The following PRKAB2 variants were observed in gnomAD, a reference collection of about 807,000 sequenced individuals.
PRKAB2 encodes the protein protein kinase AMP-activated non-catalytic subunit beta 2.
In PRKAB2, 18 loss-of-function variants were observed where a neutral mutation model predicts 29.8. The ratio of observed to expected loss-of-function variants is 0.60; its 90% CI spans 0.42 to 0.89. The LOEUF is 0.89. Ranked by LOEUF, PRKAB2 falls within the 40% of genes least tolerant of loss-of-function variation. PRKAB2 has a pLI of 0.00. For synonymous variants in PRKAB2, 136 were observed against 125.9 expected, an observed-to-expected ratio of 1.08 and a Z score of -0.54; for missense variants, 270 against 344.3, an observed-to-expected ratio of 0.78 and a Z score of 1.71.
chr1:147,167,812 G>C lies in PRKAB2; in HGVS notation c.278C>G (p.Ser93Cys). 6.2e-7 allele frequency: 1 copy of C among 1,614,132 alleles called. No homozygotes were observed. The highest frequency in any genetic ancestry group is 8.5e-7 in the Non-Finnish European group (1 of 1,179,992). Residue 93 changes from serine (S) to cysteine (C), a missense_variant, in exon 3 of 8, where the codon TCT becomes TGT. Ser to Cys is a moderately radical substitution (Grantham distance 112, BLOSUM62 -1). This residue lies in a region of PRKAB2 where 228 missense variants were observed against 255.5 expected (regional missense o/e 0.89). Transcript: ENST00000254101. ...GGTGCTCCAATTGTTGAAGGACCCA[G>C]AGATGAAGACCTCCTTGCCTCCTTC... The part of the protein sequence containing the change: ...WSEGGKEVFI[S>C]GSFNNWSTKI...
chr1:147,161,350 C>T (rs1653948107), intron 7 of PRKAB2, among the ~76,000 whole-genome samples: 1 of 150,956 alleles, frequency 6.6e-6, no homozygotes, highest in Admixed American at 6.6e-5. Flanking sequence ...AAAATGAAAG[C>T]CTTAATATCA....
At position 147,167,829 on chromosome 1, in the gene PRKAB2, G is replaced by A; in HGVS notation, c.261C>T (p.Gly87=). Residue 87 remains glycine (G), a synonymous_variant, in exon 3 of 8, where the codon GGC becomes GGT. Transcript: ENST00000254101. ...RPTVIRWSEG[G]KEVFISGSFN... The stretch of plus-strand genomic sequence containing the variant: ...AGGACCCAGAGATGAAGACCTCCTT[G>A]CCTCCTTCAGACCAGCGGATAACAG... 6.2e-7 allele frequency: 1 copy of A among 1,614,140 alleles called. No individual in the cohort carries two copies.
At chr1:147,170,444 C>T (rs1185417918) in intron 2 of PRKAB2, among the ~76,000 whole-genome samples, 1 of 152,066 alleles carries the variant, frequency 6.6e-6, no homozygotes, top group East Asian at 1.9e-4. Flanking sequence ...TATAATGAGG[C>T]GGATCACCTT....
chr1:147,158,692 C>CA lies in PRKAB2; in HGVS notation c.*872dup, dbSNP rs1653794433. 1 of 152,166 alleles carries CA rather than the reference C, an allele frequency of 6.6e-6. No homozygotes were observed. The highest frequency in any genetic ancestry group is 2.4e-5 in the African/African-American group (1 of 41,424). 9.4% of individuals were successfully genotyped at this position (152,166 alleles called of 1,614,324 possible). On this transcript the variant is annotated 3_prime_UTR_variant, in exon 8 of 8. Coordinates refer to ENST00000254101, the MANE Select transcript of PRKAB2 (RefSeq NM_005399.5). ...AAGAAAAGACAGAAGCAGGGCCAGG[C>CA]AAAGTGGGAAAACTTTCGGGAATTT...
At chr1:147,162,344 C>T (rs587624564) in intron 6 of PRKAB2, 96 bp downstream of exon 6, 2 of 1,273,362 alleles carry the variant, frequency 1.6e-6, no homozygotes, top group African/African-American at 3.1e-5. Flanking sequence ...AATCTCAACA[C>T]ACCTCTGTAG....
Position 147,166,564 on chromosome 1 carries a change from A to G in PRKAB2, c.472T>C (p.Ser158Pro). The change falls in exon 5 of 8, where the codon TCT becomes CCT. Residue 158 changes from serine to proline, a missense_variant. Ser to Pro is a moderately conservative substitution (Grantham distance 74). Coordinates refer to ENST00000254101, the MANE Select transcript of PRKAB2 (RefSeq NM_005399.5). ...AAAGCATCGAACACCTCAAAATCAG[A>G]TTTCTTGACATGGATCAAATTGTTA... ...TINNLIHVKK[S>P]DFEVFDALKL... The G allele has an allele frequency of 6.2e-7, 1 of 1,614,126 alleles. No homozygotes were observed.
chr1:147,169,429 G>A (rs1654408169), intron 2 of PRKAB2, among the ~76,000 whole-genome samples: 1 of 152,054 alleles, frequency 6.6e-6, no homozygotes. Flanking sequence ...AGAATTACAA[G>A]AATTTGACAT....
At chr1:147,163,896 A>G (rs913502198) in intron 5 of PRKAB2, among the ~76,000 whole-genome samples, 1 of 152,138 alleles carries the variant, frequency 6.6e-6, no homozygotes, top group Non-Finnish European at 1.5e-5. Context: ...ACAATATACA[A>G]AAATGAAGAG....
chr1:147,161,763 G>C lies in PRKAB2; in HGVS notation c.690C>G (p.Leu230=). 2 of 1,612,122 alleles carry C rather than the reference G, an allele frequency of 1.2e-6. No individual in the cohort carries two copies. The highest frequency in any genetic ancestry group is 2.2e-5 in the South Asian group (2 of 90,828). ...DTNISCDPAL[L]PEPNHVMLNH... ...TCAGCATAACATGGTTGGGCTCAGGGAGTAAGGCTGGGTCACACTAAGAGA... is the reference window on the plus strand; with the variant it reads ...TCAGCATAACATGGTTGGGCTCAGGCAGTAAGGCTGGGTCACACTAAGAGA... The change falls in exon 7 of 8, where the codon CTC becomes CTG. Residue 230 remains leucine (L), a synonymous_variant. Transcript: ENST00000254101.
At chr1:147,171,107 C>T (rs1654533985) in intron 2 of PRKAB2, among the ~76,000 whole-genome samples, 1 of 152,206 alleles carries the variant, frequency 6.6e-6, no homozygotes, top group Non-Finnish European at 1.5e-5. Flanking sequence ...TTCATGCTGA[C>T]AGCTCTGAAA....
intron 2 of PRKAB2, among the ~76,000 whole-genome samples, chr1:147,168,359 A>G (rs1654355102): frequency 6.6e-6 from 1 of 152,246 alleles, no homozygotes; most frequent in Non-Finnish European, 1.5e-5. Flanking sequence ...ATATATTTTT[A>G]TAGGCAAATA....
chr1:147,160,148 A>T (rs1653883945), intron 7 of PRKAB2, among the ~76,000 whole-genome samples: 1 of 152,196 alleles, frequency 6.6e-6, no homozygotes, highest in Non-Finnish European at 1.5e-5. Context: ...TTTTCATTTA[A>T]AACCAGGGAT....
chr1:147,158,989 G>A lies in PRKAB2; in HGVS notation c.*576C>T, dbSNP rs1653810901. 6.6e-6 allele frequency: 1 copy of A among 152,416 alleles called. No homozygotes were observed. Among genetic ancestry groups the A allele is most frequent in the Non-Finnish European group, 1.5e-5 (1 of 68,242 alleles). 9.4% of individuals were successfully genotyped at this position (152,416 alleles called of 1,614,324 possible). ...TGGGATCTGAAGGAGGCTATTAAAG[G>A]AAGAATGTGAAATGAGAGGAATAAG... On this transcript the variant is annotated 3_prime_UTR_variant, in exon 8 of 8. Coordinates refer to ENST00000254101, the MANE Select transcript of PRKAB2 (RefSeq NM_005399.5).
At chr1:147,162,129 T>C (rs1196497615) in intron 6 of PRKAB2, among the ~76,000 whole-genome samples, 2 of 152,176 alleles carry the variant, frequency 1.3e-5, no homozygotes, top group African/African-American at 4.8e-5. Flanking sequence ...ATGAATTATA[T>C]ACAAAAAAGC....
At chr1:147,171,907 G>C in intron 2 of PRKAB2, 82 bp downstream of exon 2, 1 of 1,528,956 alleles carries the variant, frequency 6.5e-7, no homozygotes, top group Non-Finnish European at 8.9e-7. Flanking sequence ...CGGCGCGGTA[G>C]AAAAGAACCA....
rs587700148 is a variant in PRKAB2 at position 147,158,400 on chromosome 1, C to T, written c.*1165G>A. ...ATCAAATGAGTTAAATGAACTTGAG[C>T]AGTTTATCTAGAGCAGTGTTTAGTG... On this transcript the variant is annotated 3_prime_UTR_variant, in exon 8 of 8. Coordinates refer to ENST00000254101, the MANE Select transcript of PRKAB2 (RefSeq NM_005399.5). The T allele has an allele frequency of 6.6e-6, 1 of 152,136 alleles. No individual in the cohort carries two copies. Among genetic ancestry groups the T allele is most frequent in the South Asian group, 2.1e-4 (1 of 4,820 alleles). The allele number at this position is 152,136 out of a possible 1,614,324, so 9.4% of individuals were successfully genotyped here.
At chr1:147,164,223 GC>G in intron 5 of PRKAB2, among the ~76,000 whole-genome samples, 1 of 152,278 alleles carries the variant, frequency 6.6e-6, no homozygotes, top group Non-Finnish European at 1.5e-5. Flanking sequence ...ACAGGTGTGA[GC>G]CACCAAATTC....
intron 2 of PRKAB2, 66 bp downstream of exon 2, chr1:147,171,923 G>A (rs587625608): frequency 1.0e-4 from 159 of 1,549,674 alleles, no homozygotes; most frequent in Non-Finnish European, 1.3e-4. Context: ...AACCAAGAAA[G>A]GGAAGAGGAG....
chr1:147,162,044 C>T (rs781883046), intron 6 of PRKAB2, among the ~76,000 whole-genome samples: 2 of 152,002 alleles, frequency 1.3e-5, no homozygotes, highest in Non-Finnish European at 2.9e-5. Flanking sequence ...AAAATCTTGC[C>T]CACAACACAC....
Sources: allele counts gnomAD v4.1 joint callset (sites outside exome capture counted in the v4.1 genomes callset), GRCh38; gene constraint gnomAD v4.1.1; regional missense constraint gnomAD v4.1.1; transcripts MANE v1.5; gene names NCBI Gene and HGNC (gene_info 2026-07-23, HGNC 2026-07-21).